The following DSCAM variants were observed in gnomAD, a reference collection of about 807,000 sequenced individuals.
The protein encoded by DSCAM is cell adhesion molecule DSCAM.
Under a neutral mutation model 217.7 loss-of-function variants are expected in DSCAM, and 47 were observed. The ratio of observed to expected loss-of-function variants is 0.22; its 90% confidence interval spans 0.17 to 0.28. The LOEUF (loss-of-function observed/expected upper bound fraction) is 0.28, where lower values mean the gene tolerates loss of function less well. Ranked by LOEUF, DSCAM falls within the 10% of genes least tolerant of loss-of-function variation. The pLI is 1.00. For missense variants in DSCAM, 2,080 were observed against 2,618.3 expected (o/e 0.79, Z 4.49); for synonymous variants, 1,056 against 1,015.3 (o/e 1.04, Z -0.76).
Position 40,650,895 on chromosome 21 carries a change from C to A in DSCAM, c.508+41915G>T, listed in dbSNP as rs1345588745. Among the ~76,000 whole-genome samples, 4 of 152,138 alleles carry A rather than the reference C, an allele frequency of 2.6e-5. No homozygotes were observed. In the East Asian group the frequency reaches 7.7e-4, roughly 29 times the overall value. ...CACCACTGCACTCAAGCCTGGGCGA[C>A]AGAGCAAGACTCCATCATAAACAAA... On this transcript the variant is annotated intron_variant, in intron 3 of 32. Coordinates refer to ENST00000400454, the MANE Select transcript of DSCAM (RefSeq NM_001389.5).
At chr21:40,831,629 T>A (rs2092012709) in intron 1 of DSCAM, among the ~76,000 whole-genome samples, 1 of 152,186 alleles carries the variant, frequency 6.6e-6, no homozygotes, top group Non-Finnish European at 1.5e-5. Context: ...AGAGTGTACT[T>A]AAAAACAGAT....
intron 11 of DSCAM, among the ~76,000 whole-genome samples, chr21:40,269,765 A>G (rs111382275): frequency 0.038 from 5,718 of 152,242 alleles, 349 homozygotes; most frequent in African/African-American, 0.13. Context: ...GTCTGCACCC[A>G]GATTGTCCCC....
rs555164727 is a variant in DSCAM at position 40,754,398 on chromosome 21, T to G, written c.44-45627A>C. ...AGCAAAAGTAGTTTATGTGAGGTAG[T>G]TGGTTTCAGGAAACACAGGCAGGAA... is the stretch of plus-strand genomic sequence containing the variant. On this transcript the variant is annotated intron_variant, in intron 1 of 32. Coordinates refer to ENST00000400454, the MANE Select transcript of DSCAM (RefSeq NM_001389.5). Among the ~76,000 whole-genome samples the G allele has an allele frequency of 1.1e-3, 168 of 152,304 alleles. 2 individuals are homozygous for G. Among genetic ancestry groups the G allele is most frequent in the South Asian group, 5.4e-3 (26 of 4,826 alleles).
chr21:40,155,148 C>T (rs2090462850), intron 16 of DSCAM, among the ~76,000 whole-genome samples: 1 of 152,218 alleles, frequency 6.6e-6, no homozygotes, highest in South Asian at 2.1e-4. Flanking sequence ...ATACATCACA[C>T]CACCTGCTAA....
At chr21:40,029,354 G>A (rs928880467) in intron 32 of DSCAM, among the ~76,000 whole-genome samples, 1 of 147,538 alleles carries the variant, frequency 6.8e-6, no homozygotes, top group Non-Finnish European at 1.5e-5. Context: ...GGATCTCTGT[G>A]CTCATGCCCT....
intron 3 of DSCAM, among the ~76,000 whole-genome samples, chr21:40,485,234 TTTC>T (rs940599263): frequency 7.5e-6 from 1 of 133,192 alleles, no homozygotes; most frequent in Non-Finnish European, 1.5e-5. Flanking sequence ...ACTGACTTTC[TTTC>T]TTTTTTTTTT....
At chr21:40,391,866 T>G (rs1193495306) in intron 3 of DSCAM, among the ~76,000 whole-genome samples, 2 of 152,234 alleles carry the variant, frequency 1.3e-5, no homozygotes, top group Non-Finnish European at 2.9e-5. Context: ...GGCATTAGAA[T>G]GTGACTCTGG....
chr21:40,830,801 C>A (rs1341437907), intron 1 of DSCAM, among the ~76,000 whole-genome samples: 3 of 152,224 alleles, frequency 2.0e-5, no homozygotes, highest in Non-Finnish European at 2.9e-5. Context: ...TTAGCAATTA[C>A]TATAAACAGG....
At chr21:40,275,030 G>A (rs1015731050) in intron 11 of DSCAM, among the ~76,000 whole-genome samples, 3 of 152,044 alleles carry the variant, frequency 2.0e-5, no homozygotes, top group African/African-American at 7.2e-5. Context: ...TTAAAAAAAA[G>A]AGGAAATCCA....
At chr21:40,197,230 T>C (rs976974345) in intron 11 of DSCAM, among the ~76,000 whole-genome samples, 1 of 152,162 alleles carries the variant, frequency 6.6e-6, no homozygotes, top group Non-Finnish European at 1.5e-5. Flanking sequence ...ACCATTCTCC[T>C]GCCTCAGCCT....
At chr21:40,029,152 A>AGTTCTTTGATTACAGTACCC (rs2088466716) in intron 32 of DSCAM, among the ~76,000 whole-genome samples, 1 of 152,150 alleles carries the variant, frequency 6.6e-6, no homozygotes, top group Admixed American at 6.5e-5. Flanking sequence ...GGTGGCTTCC[A>AGTTCTTTGATTACAGTACCC]ATTCTTGGTT....
chr21:40,222,361 A>G (rs1165323591), intron 11 of DSCAM, among the ~76,000 whole-genome samples: 1 of 152,248 alleles, frequency 6.6e-6, no homozygotes, highest in Non-Finnish European at 1.5e-5. Flanking sequence ...AAGATCCAGA[A>G]ACACTGATAT....
intron 12 of DSCAM, among the ~76,000 whole-genome samples, chr21:40,188,331 C>T (rs2090917980): frequency 6.6e-6 from 1 of 152,090 alleles, no homozygotes; most frequent in Non-Finnish European, 1.5e-5. Context: ...CCCACATATA[C>T]ATTTTTTTTT....
At chr21:40,170,017 A>G (rs1325386354) in intron 15 of DSCAM, among the ~76,000 whole-genome samples, 1 of 152,134 alleles carries the variant, frequency 6.6e-6, no homozygotes, top group East Asian at 1.9e-4. Context: ...CCAGAGCACA[A>G]TTCACACTGT....
At chr21:40,594,993 T>A (rs537684505) in intron 3 of DSCAM, among the ~76,000 whole-genome samples, 2 of 152,298 alleles carry the variant, frequency 1.3e-5, no homozygotes, top group South Asian at 2.1e-4. Context: ...CACCTTCAAA[T>A]AGGACACCTT....
intron 1 of DSCAM, among the ~76,000 whole-genome samples, chr21:40,781,321 A>G (rs752798347): frequency 5.9e-5 from 9 of 152,090 alleles, no homozygotes; most frequent in Non-Finnish European, 8.8e-5. Flanking sequence ...TGCCTGGCCC[A>G]TTTTGTACAT....
chr21:40,739,635 A>T (rs950689658), intron 1 of DSCAM, among the ~76,000 whole-genome samples: 3 of 152,028 alleles, frequency 2.0e-5, no homozygotes, highest in African/African-American at 7.2e-5. Context: ...CTCGTTAAAG[A>T]CTCTATCTCC....
At chr21:40,360,492 G>A (rs1282588987) in intron 4 of DSCAM, among the ~76,000 whole-genome samples, 5 of 151,932 alleles carry the variant, frequency 3.3e-5, no homozygotes, top group Non-Finnish European at 7.4e-5. Flanking sequence ...TGTCCACAGT[G>A]TCTATTGTTC....
chr21:40,369,037 C>A (rs915702660), intron 4 of DSCAM, 62 bp downstream of exon 4: 8 of 1,443,598 alleles, frequency 5.5e-6, no homozygotes, highest in South Asian at 1.8e-5. Context: ...TTGATTGAGT[C>A]GTCTCAGGAC....
Sources: gnomAD v4.1 joint callset for allele counts (sites outside exome capture counted in the v4.1 genomes callset) on GRCh38, gnomAD v4.1.1 for gene constraint, MANE v1.5 for transcripts, NCBI Gene and HGNC (gene_info 2026-07-23, HGNC 2026-07-21) for gene names.